GGT7: variants seen among roughly 807,000 people sequenced by gnomAD.
The protein encoded by GGT7 is gamma-glutamyltransferase 7.
Under a neutral mutation model 69.2 loss-of-function variants are expected in GGT7, and 30 were observed. The observed-to-expected ratio is 0.43, with a 90% CI of 0.32 to 0.59. The LOEUF is 0.59. Ranked by LOEUF, GGT7 falls within the 20% of genes least tolerant of loss-of-function variation. GGT7 has a pLI of 0.05. For synonymous variants in GGT7, 388 were observed against 391.8 expected (o/e 0.99, Z 0.12); for missense variants, 733 against 901.1 (o/e 0.81, Z 2.39).
chr20:34,867,800 A>T (rs773136002), intron 1 of GGT7, among the ~76,000 whole-genome samples: 39 of 152,220 alleles, frequency 2.6e-4, no homozygotes, highest in Non-Finnish European at 4.9e-4. Context: ...ATTGCTCCAC[A>T]TGGCATCAAG....
chr20:34,861,080 T>C (rs982583248), intron 4 of GGT7, among the ~76,000 whole-genome samples: 1 of 152,254 alleles, frequency 6.6e-6, no homozygotes, highest in African/African-American at 2.4e-5. Flanking sequence ...ACAGTTGGTT[T>C]ACTTCTGGCA....
intron 1 of GGT7, among the ~76,000 whole-genome samples, chr20:34,864,515 G>GT (rs1442119570): frequency 6.6e-6 from 1 of 151,998 alleles, no homozygotes; most frequent in Non-Finnish European, 1.5e-5. Flanking sequence ...GAGGTCAGGA[G>GT]TTTGAGACCA....
Position 34,863,704 on chromosome 20 carries a change from C to T in GGT7, c.170-156G>A, listed in dbSNP as rs1276450911. The T allele has an allele frequency of 2.8e-6, 2 of 726,344 alleles. No individual in the cohort carries two copies. Among genetic ancestry groups the T allele is most frequent in the South Asian group, 3.0e-5 (2 of 66,934 alleles). The allele number at this position is 726,344 out of a possible 1,614,324, so 45.0% of individuals were successfully genotyped here. On this transcript the variant is annotated intron_variant, in intron 1 of 14. Transcript: ENST00000336431. This position sits in a 1 kb window ranked among gnomAD's most constrained non-coding sequence, Gnocchi z 4.4. ...CCTTTCCTCATTTTCGCGTGCACCC[C>T]AGGACAGGCGGGGCAACGGTGCCCG...
chr20:34,853,237 A>G (rs1348971680), intron 10 of GGT7, among the ~76,000 whole-genome samples: 1 of 152,096 alleles, frequency 6.6e-6, no homozygotes, highest in Non-Finnish European at 1.5e-5. Context: ...GAGCCACCAC[A>G]TCCAGTCAGG....
intron 13 of GGT7, among the ~76,000 whole-genome samples, chr20:34,850,578 T>G (rs2079372837): frequency 6.6e-6 from 1 of 152,230 alleles, no homozygotes; most frequent in Non-Finnish European, 1.5e-5. Context: ...AAGGTTAAAA[T>G]GGTTAACACA....
chr20:34,863,898 G>A lies in GGT7; in HGVS notation c.170-350C>T, dbSNP rs2079646175. 6.6e-6 allele frequency among the ~76,000 whole-genome samples: 1 copy of A among 152,218 alleles called. No individual in the cohort carries two copies. Among genetic ancestry groups the A allele is most frequent in the Non-Finnish European group, 1.5e-5 (1 of 68,038 alleles). On this transcript the variant is annotated intron_variant, in intron 1 of 14. Coordinates refer to ENST00000336431, the MANE Select transcript of GGT7 (RefSeq NM_178026.3). The surrounding 1 kb of genome is among the most constrained non-coding windows in gnomAD (Gnocchi z 4.4). Reference sequence around the variant, plus strand: ...TCAGTGGAAATCGGATCCTGCCCCAGTTGGGGCCCAGCCTTCCATGCAAGG... The same window carrying A: ...TCAGTGGAAATCGGATCCTGCCCCAATTGGGGCCCAGCCTTCCATGCAAGG...
At position 34,863,227 on chromosome 20, in the gene GGT7, G is replaced by T. The variant is rs1019454879; in HGVS notation, c.405+86C>A. 15 of 1,045,922 alleles carry T rather than the reference G, an allele frequency of 1.4e-5. No individual in the cohort carries two copies. Among genetic ancestry groups the T allele is most frequent in the Middle Eastern group, 2.1e-4 (1 of 4,860 alleles). The allele number at this position is 1,045,922 out of a possible 1,614,324, so 64.8% of individuals were successfully genotyped here. On this transcript the variant is annotated intron_variant, in intron 2 of 14. Coordinates refer to ENST00000336431, the MANE Select transcript of GGT7 (RefSeq NM_178026.3). This position sits in a 1 kb window ranked among gnomAD's most constrained non-coding sequence, Gnocchi z 4.4. ...ACCCTCTCTCCCCTTCTACCACTCA[G>T]CCATTCCCCAGTTTCCACAGTTCCT...
Position 34,859,626 on chromosome 20 carries a change from A to G in GGT7, c.831T>C (p.Ala277=), listed in dbSNP as rs1216440020. The part of the protein sequence containing the change: ...NVTHDLARAL[A]EQLPPNMSER... Reference sequence around the variant, plus strand: ...CGGACATGTTGGGTGGCAGCTGTTCAGCCAGGGCACGGGCTAGGGGCAGGG... The same window carrying G: ...CGGACATGTTGGGTGGCAGCTGTTCGGCCAGGGCACGGGCTAGGGGCAGGG... The change falls in exon 7 of 15, where the codon GCT becomes GCC. Residue 277 remains alanine, a synonymous_variant. Transcript: ENST00000336431. 5 of 1,597,314 alleles carry G rather than the reference A, an allele frequency of 3.1e-6. No individual in the cohort carries two copies. The highest frequency in any genetic ancestry group is 4.3e-6 in the Non-Finnish European group (5 of 1,170,534).
Position 34,845,298 on chromosome 20 carries a change from G to A in GGT7, c.*30C>T, listed in dbSNP as rs760261764. The A allele has an allele frequency of 1.9e-6, 3 of 1,590,388 alleles. No individual in the cohort carries two copies. Among genetic ancestry groups the A allele is most frequent in the South Asian group, 2.3e-5 (2 of 88,786 alleles). On this transcript the variant is annotated 3_prime_UTR_variant, in exon 15 of 15. Transcript: ENST00000336431. The stretch of plus-strand genomic sequence containing the variant: ...GGACTCTGGGAACATGCAAAGTGGG[G>A]GAGCAGAGACCCCGCCCCACCCCGC...
At chr20:34,861,304 ACTCT>A (rs561456523) in intron 4 of GGT7, 137 bp downstream of exon 4, 5 of 448,336 alleles carry the variant, frequency 1.1e-5, no homozygotes, top group Non-Finnish European at 2.0e-5. Flanking sequence ...GGGCTGCCTG[ACTCT>A]CTCATAGCCT....
At chr20:34,861,309 C>T (rs2079590651) in intron 4 of GGT7, 136 bp downstream of exon 4, 2 of 457,760 alleles carry the variant, frequency 4.4e-6, no homozygotes, top group South Asian at 1.5e-4. Flanking sequence ...GCCTGACTCT[C>T]TCATAGCCTA....
chr20:34,852,607 G>T, intron 10 of GGT7, 69 bp from the exon 11 acceptor site: 8 of 1,411,942 alleles, frequency 5.7e-6, no homozygotes, highest in Middle Eastern at 5.1e-4. Context: ...CCTCACTTTT[G>T]TGGTGTTTGT....
Position 34,872,684 on chromosome 20 carries a change from G to A in GGT7, c.132C>T (p.Arg44=), listed in dbSNP as rs1365206158. ...EPAPAAPLRG[R]KDEDAFLGDP... ...CTCCCAGAAAGGCGTCCTCGTCCTT[G>A]CGGCCCCTCAGCGGGGCCGCGGGCG... Residue 44 remains arginine (R), a synonymous_variant, in exon 1 of 15, where the codon CGC becomes CGT. Coordinates refer to ENST00000336431, the MANE Select transcript of GGT7 (RefSeq NM_178026.3). The A allele has an allele frequency of 6.8e-7, 1 of 1,481,248 alleles. No individual in the cohort carries two copies. 91.8% of individuals were successfully genotyped at this position (1,481,248 alleles called of 1,614,324 possible). A position where few individuals can be genotyped will look rare whatever the true frequency, so the allele number is the denominator to read the frequency against.
At chr20:34,854,442 CTTTA>C (rs893783288) in intron 10 of GGT7, 85 bp downstream of exon 10, 2 of 744,854 alleles carry the variant, frequency 2.7e-6, no homozygotes, top group Admixed American at 4.8e-5. Context: ...GATTTCAGGC[CTTTA>C]TTGCTATACC....
intron 8 of GGT7, among the ~76,000 whole-genome samples, chr20:34,855,519 A>G (rs1482900578): frequency 6.6e-6 from 1 of 152,206 alleles, no homozygotes; most frequent in African/African-American, 2.4e-5. Flanking sequence ...AATCCAGAGC[A>G]CTCAAGGTAC....
Position 34,860,035 on chromosome 20 carries a change from A to G in GGT7, c.751T>C (p.Trp251Arg). 1 of 1,398,304 alleles carries G rather than the reference A, an allele frequency of 7.2e-7. No individual in the cohort carries two copies. The highest frequency in any genetic ancestry group is 9.5e-7 in the Non-Finnish European group (1 of 1,055,074). The allele number at this position is 1,398,304 out of a possible 1,614,324, so 86.6% of individuals were successfully genotyped here. Residue 251 changes from tryptophan (W) to arginine (R), a missense_variant, in exon 6 of 15, where the codon TGG becomes CGG. Transcript: ENST00000336431. ...EAHQLYGRLP[W>R]SQVLAFAAAV... is the part of the protein sequence containing the mutation. ...GCTGCAAAGGCCAGGACTTGGGACC[A>G]TGGCAGCCTGGGGGGGCCGGAGAGC... is the stretch of plus-strand genomic sequence containing the variant.
intron 10 of GGT7, among the ~76,000 whole-genome samples, chr20:34,853,467 C>T (rs2079434708): frequency 6.7e-6 from 1 of 149,442 alleles, no homozygotes; most frequent in Non-Finnish European, 1.5e-5. Flanking sequence ...GAGGCTGAAG[C>T]AGGAGAATTG....
chr20:34,867,479 G>A (rs1202071605), intron 1 of GGT7, among the ~76,000 whole-genome samples: 44 of 152,080 alleles, frequency 2.9e-4, no homozygotes, highest in African/African-American at 1.1e-3. Flanking sequence ...TTGGGAGGCC[G>A]AGGTGGGAGG....
At position 34,860,482 on chromosome 20, in the gene GGT7, C is replaced by A. The variant is rs185866070; in HGVS notation, c.676-161G>T. Among the ~76,000 whole-genome samples, 248 of 152,280 alleles carry A rather than the reference C, an allele frequency of 1.6e-3. 1 individual carries two copies. Among genetic ancestry groups the A allele is most frequent in the Middle Eastern group, 3.4e-3 (1 of 294 alleles). On this transcript the variant is annotated intron_variant, in intron 4 of 14. Transcript: ENST00000336431. ...GACAAGCTTTCCCAAGCAGGCACCC[C>A]TCCCATCTCCCTGACTTCCTATCAG...
Sources: gnomAD v4.1 joint callset for allele counts (sites outside exome capture counted in the v4.1 genomes callset) on GRCh38, gnomAD v4.1.1 for gene constraint, Gnocchi (gnomAD v3.1) non-coding constraint, MANE v1.5 for transcripts, NCBI Gene and HGNC (gene_info 2026-07-23, HGNC 2026-07-21) for gene names.